Variants in CTNNA1 observed in about 807,000 individuals in gnomAD.
CTNNA1 encodes catenin alpha 1.
In CTNNA1, 37 loss-of-function variants were observed where a neutral mutation model predicts 98.4. The observed-to-expected ratio is 0.38, with a 90% confidence interval of 0.29 to 0.49. The LOEUF is 0.49. Ranked by LOEUF, CTNNA1 falls within the 20% of genes least tolerant of loss-of-function variation. The pLI, the probability that CTNNA1 is intolerant of heterozygous loss-of-function variation, is 0.95. For synonymous variants in CTNNA1, 404 were observed against 413.2 expected, an observed-to-expected ratio of 0.98 and a Z score of 0.27; for missense variants, 761 against 1,147.2, an observed-to-expected ratio of 0.66 and a Z score of 4.86.
chr5:138,799,697 A>G (rs1757349288), intron 3 of CTNNA1, among the ~76,000 whole-genome samples: 1 of 149,738 alleles, frequency 6.7e-6, no homozygotes. Context: ...GCTTATTTAT[A>G]TACTTGTTTA....
In CTNNA1 at chr5:138,783,273, G is replaced by T. The variant is rs766078636; in HGVS notation, c.202G>T (p.Ala68Ser). 6.2e-7 allele frequency: 1 copy of T among 1,614,124 alleles called. No homozygotes were observed. Among genetic ancestry groups the T allele is most frequent in the Non-Finnish European group, 8.5e-7 (1 of 1,179,974 alleles). The change falls in exon 3 of 18, where the codon GCA (alanine) becomes TCA (serine). Residue 68 changes from alanine to serine, a missense_variant. Physicochemically the swap from Ala to Ser is moderately conservative, Grantham distance 99. This residue lies in a region of CTNNA1 where 328 missense variants were observed against 354.3 expected (regional missense o/e 0.93). Transcript: ENST00000302763. ...TGTTTTGGCTGCATCTGTTGAACAAGCAACTGAGAATTTCTTGGAGAAGGG... is the reference window on the plus strand; with the variant it reads ...TGTTTTGGCTGCATCTGTTGAACAATCAACTGAGAATTTCTTGGAGAAGGG... ...AHVLAASVEQ[A>S]TENFLEKGDK...
chr5:138,918,635 G>C lies in CTNNA1; in HGVS notation c.1546+737G>C, dbSNP rs191821546. Among the ~76,000 whole-genome samples the C allele has an allele frequency of 4.4e-3, 672 of 152,280 alleles. 10 individuals carry two copies. Among genetic ancestry groups the C allele is most frequent in the African/African-American group, 0.01 (433 of 41,540 alleles). On this transcript the variant is annotated intron_variant, in intron 11 of 17. Transcript: ENST00000302763. ...AATTGCATTCATATAGAAAATATCT[G>C]TCAAATGCAATTCAGTGTTTATCAC...
rs1766111300 is a variant in CTNNA1, at chr5:138,934,459, G to A, written c.*370G>A. ...TTGGCTCAACTTCAGTTGAGAGGGT[G>A]CAGTCCAGACAGCTTGACTGCTTTT... On this transcript the variant is annotated 3_prime_UTR_variant, in exon 18 of 18. Transcript: ENST00000302763. 1.3e-5 allele frequency: 3 copies of A among 237,846 alleles called. No homozygotes were observed. The South Asian group carries it at 1.8e-4, about 14-fold the overall frequency. The allele number at this position is 237,846 out of a possible 1,614,324, so 14.7% of individuals were successfully genotyped here.
At chr5:138,904,770 A>G (rs955470215) in intron 10 of CTNNA1, 46 of 212,240 alleles carry the variant, frequency 2.2e-4, no homozygotes, top group African/African-American at 9.9e-4. Context: ...CAGCCTGGGC[A>G]ACATAGCAAA....
chr5:138,865,301 C>G (rs1472475232), intron 7 of CTNNA1, among the ~76,000 whole-genome samples: 1 of 152,136 alleles, frequency 6.6e-6, no homozygotes, highest in Non-Finnish European at 1.5e-5. Context: ...TCCACCCACC[C>G]TTGGGTCACG....
At chr5:138,792,821 A>G (rs1322319466) in intron 3 of CTNNA1, among the ~76,000 whole-genome samples, 1 of 152,246 alleles carries the variant, frequency 6.6e-6, no homozygotes, top group Non-Finnish European at 1.5e-5. Context: ...TTTGAAAAAG[A>G]TTAAAGTTAA....
At chr5:138,803,987 A>G (rs1400117080) in intron 3 of CTNNA1, among the ~76,000 whole-genome samples, 1 of 152,248 alleles carries the variant, frequency 6.6e-6, no homozygotes, top group African/African-American at 2.4e-5. Context: ...GCTGTTGAAT[A>G]GGTGAATACT....
At chr5:138,909,694 T>C (rs537060614) in intron 10 of CTNNA1, among the ~76,000 whole-genome samples, 1 of 152,326 alleles carries the variant, frequency 6.6e-6, no homozygotes, top group African/African-American at 2.4e-5. Flanking sequence ...CTTCTGAAAT[T>C]GTTCATTCTT....
intron 1 of CTNNA1, among the ~76,000 whole-genome samples, chr5:138,775,714 C>CTTTTTTTTTTT (rs750615535): frequency 3.6e-5 from 3 of 82,506 alleles, no homozygotes; most frequent in African/African-American, 4.8e-5. Flanking sequence ...GGAAATATTT[C>CTTTTTTTTTTT]TTTTTTTTTT....
At chr5:138,846,099 A>G (rs1219791363) in intron 7 of CTNNA1, among the ~76,000 whole-genome samples, 1 of 151,904 alleles carries the variant, frequency 6.6e-6, no homozygotes, top group Non-Finnish European at 1.5e-5. Context: ...GCTAATTTTC[A>G]TACTTTTAGA....
chr5:138,815,544 G>A (rs1759349416), intron 5 of CTNNA1, among the ~76,000 whole-genome samples: 2 of 152,068 alleles, frequency 1.3e-5, no homozygotes, highest in African/African-American at 4.8e-5. Context: ...CTTGCTCCCT[G>A]GTTTTGGTAA....
intron 7 of CTNNA1, among the ~76,000 whole-genome samples, chr5:138,852,930 T>TGTTCACAAAC (rs1381409662): frequency 6.6e-6 from 1 of 151,544 alleles, no homozygotes; most frequent in Admixed American, 6.6e-5. Flanking sequence ...TGTTCACAAA[T>TGTTCACAAAC]GTTCACAAAC....
chr5:138,909,740 T>G (rs115389080), intron 10 of CTNNA1, among the ~76,000 whole-genome samples: 1,695 of 152,298 alleles, frequency 0.011, 26 homozygotes, highest in African/African-American at 0.039. Flanking sequence ...CCATATTGCT[T>G]CTTCTGTCAT....
chr5:138,898,257 C>T (rs1028956236), intron 9 of CTNNA1, among the ~76,000 whole-genome samples: 2 of 150,880 alleles, frequency 1.3e-5, no homozygotes, highest in Non-Finnish European at 2.9e-5. Flanking sequence ...GAGGCCTCCT[C>T]AGAAGCAGGT....
chr5:138,844,363 T>G (rs1762525968), intron 7 of CTNNA1, among the ~76,000 whole-genome samples: 2 of 152,144 alleles, frequency 1.3e-5, no homozygotes, highest in Admixed American at 1.3e-4. Context: ...CTGCTTGACT[T>G]TTATATAATT....
intron 7 of CTNNA1, among the ~76,000 whole-genome samples, chr5:138,841,267 A>C (rs1195973530): frequency 4.0e-5 from 6 of 151,880 alleles, no homozygotes; most frequent in Non-Finnish European, 7.4e-5. Context: ...GTATGTATTT[A>C]TTTATTTTTT....
chr5:138,758,488 C>T (rs1412925105), intron 1 of CTNNA1, among the ~76,000 whole-genome samples: 1 of 152,198 alleles, frequency 6.6e-6, no homozygotes, highest in Non-Finnish European at 1.5e-5. Context: ...AGTGATTCTC[C>T]TGCCTCAGCC....
intron 7 of CTNNA1, among the ~76,000 whole-genome samples, chr5:138,867,760 T>C (rs13167905): frequency 0.033 from 4,806 of 146,132 alleles, 104 homozygotes; most frequent in Non-Finnish European, 0.049. Context: ...TTTTTTTTTT[T>C]CTTTTTTTTT....
intron 9 of CTNNA1, among the ~76,000 whole-genome samples, chr5:138,893,913 C>T (rs977060794): frequency 8.7e-5 from 13 of 150,072 alleles, no homozygotes; most frequent in Admixed American, 6.6e-4. Flanking sequence ...TGAGCCACCG[C>T]GCCTGGCCTA....
Sources: allele counts gnomAD v4.1 joint callset (sites outside exome capture counted in the v4.1 genomes callset), GRCh38; gene constraint gnomAD v4.1.1; regional missense constraint gnomAD v4.1.1; transcripts MANE v1.5; gene names NCBI Gene and HGNC (gene_info 2026-07-23, HGNC 2026-07-21).